ITPKB: variants seen among roughly 807,000 people sequenced by gnomAD.
The protein encoded by ITPKB is inositol-trisphosphate 3-kinase B, also known as IP3 3-kinase B.
A neutral mutation model predicts 69.4 loss-of-function variants in ITPKB; 13 were observed. The ratio of observed to expected loss-of-function variants is 0.19; its 90% CI spans 0.12 to 0.30. The LOEUF is 0.30. Ranked by LOEUF, ITPKB falls within the 10% of genes least tolerant of loss-of-function variation. ITPKB has a pLI of 1.00. For missense variants in ITPKB, 1,240 were observed against 1,250.5 expected (o/e 0.99, Z 0.13); for synonymous variants, 584 against 513.7 (o/e 1.14, Z -1.85).
intron 2 of ITPKB, among the ~76,000 whole-genome samples, chr1:226,697,280 A>T (rs1437695963): frequency 6.6e-6 from 1 of 152,266 alleles, no homozygotes; most frequent in African/African-American, 2.4e-5. Flanking sequence ...GGCATGATGC[A>T]TTCAGAGGCA....
chr1:226,637,876 G>C lies in ITPKB; in HGVS notation c.2554-126C>G. The C allele has an allele frequency of 1.4e-6, 1 of 696,930 alleles. No individual in the cohort carries two copies. Among genetic ancestry groups the C allele is most frequent in the Non-Finnish European group, 2.6e-6 (1 of 389,030 alleles). 43.2% of individuals were successfully genotyped at this position (696,930 alleles called of 1,614,324 possible). ...TACCCTAAACGCCGGACATCTAGAG[G>C]CAGCTTCCTGCGAGCAGGGCTGCTG... On this transcript the variant is annotated intron_variant, in intron 6 of 7. Transcript: ENST00000429204. This position sits in a 1 kb window ranked among gnomAD's most constrained non-coding sequence, Gnocchi z 4.3.
chr1:226,645,071 TC>T (rs1012988276), intron 4 of ITPKB, among the ~76,000 whole-genome samples: 4 of 151,978 alleles, frequency 2.6e-5, no homozygotes, highest in African/African-American at 9.7e-5. Flanking sequence ...CCCTGATGAG[TC>T]ACTGAACCTC....
At chr1:226,652,194 C>T (rs1054661693) in intron 2 of ITPKB, among the ~76,000 whole-genome samples, 1 of 152,184 alleles carries the variant, frequency 6.6e-6, no homozygotes, top group African/African-American at 2.4e-5. Flanking sequence ...GCAGGGTGAC[C>T]CCAACCACTC....
At chr1:226,645,213 G>A (rs1437459168) in intron 4 of ITPKB, among the ~76,000 whole-genome samples, 1 of 152,218 alleles carries the variant, frequency 6.6e-6, no homozygotes, top group African/African-American at 2.4e-5. Context: ...TAGGATTTGT[G>A]TGCAGGAAAG....
In ITPKB at chr1:226,642,217, G is replaced by A. The variant is rs377575333; in HGVS notation, c.2247-92C>T. 18 of 1,061,040 alleles carry A rather than the reference G, an allele frequency of 1.7e-5. No individual in the cohort carries two copies. Among genetic ancestry groups the A allele is most frequent in the East Asian group, 7.2e-5 (3 of 41,816 alleles). The allele number at this position is 1,061,040 out of a possible 1,614,324, so 65.7% of individuals were successfully genotyped here. On this transcript the variant is annotated intron_variant, in intron 4 of 7. Transcript: ENST00000429204. This position sits in a 1 kb window ranked among gnomAD's most constrained non-coding sequence, Gnocchi z 6.4. ...TGCCTGGTGGATGAAGGTTTGGGGC[G>A]TGTGTTGCCCAACAGCTGCAGTCAG...
chr1:226,645,719 C>T (rs1022554384), intron 4 of ITPKB, among the ~76,000 whole-genome samples: 4 of 151,826 alleles, frequency 2.6e-5, no homozygotes, highest in Non-Finnish European at 4.4e-5. Flanking sequence ...AAATCAGACT[C>T]GGGAAAAGCA....
At chr1:226,662,035 C>T (rs539655228) in intron 2 of ITPKB, among the ~76,000 whole-genome samples, 1 of 152,262 alleles carries the variant, frequency 6.6e-6, no homozygotes, top group South Asian at 2.1e-4. Flanking sequence ...ACTTTCTAGT[C>T]GGGTGTGAGA....
intron 2 of ITPKB, 96 bp from the exon 3 acceptor site, chr1:226,648,867 C>T: frequency 2.3e-6 from 2 of 867,392 alleles, no homozygotes; most frequent in Non-Finnish European, 3.9e-6. Context: ...TGCCTGTGGC[C>T]ACAAGATGGG....
chr1:226,672,539 T>C (rs1050596225), intron 2 of ITPKB, among the ~76,000 whole-genome samples: 1 of 152,214 alleles, frequency 6.6e-6, no homozygotes, highest in African/African-American at 2.4e-5. Context: ...CCTGGGCAGC[T>C]GTCCTCCACC....
intron 2 of ITPKB, among the ~76,000 whole-genome samples, chr1:226,699,620 G>T (rs987851987): frequency 1.3e-5 from 2 of 152,168 alleles, no homozygotes; most frequent in Admixed American, 1.3e-4. Flanking sequence ...AGCATATTAA[G>T]CATTCAATGA....
chr1:226,711,442 A>AGT (rs57531406), intron 2 of ITPKB, among the ~76,000 whole-genome samples: 242 of 102,342 alleles, frequency 2.4e-3, no homozygotes, highest in South Asian at 5.3e-3. Context: ...AGAGAGAGAG[A>AGT]GTGTGTGTGT....
chr1:226,649,538 G>A (rs188211304), intron 2 of ITPKB, among the ~76,000 whole-genome samples: 16 of 150,478 alleles, frequency 1.1e-4, no homozygotes, highest in Admixed American at 2.0e-4. Flanking sequence ...GTGCATGTGT[G>A]TGCATGCGTG....
chr1:226,635,593 G>C (rs1309453814), intron 7 of ITPKB, among the ~76,000 whole-genome samples: 2 of 152,170 alleles, frequency 1.3e-5, no homozygotes, highest in Non-Finnish European at 1.5e-5. Context: ...CCTAGAACCT[G>C]ACTCCTCCCA....
chr1:226,714,129 C>G (rs1657038851), intron 2 of ITPKB, among the ~76,000 whole-genome samples: 1 of 152,190 alleles, frequency 6.6e-6, no homozygotes. Flanking sequence ...ATTTCTAGTT[C>G]TCCTGGGCAC....
Position 226,634,886 on chromosome 1 carries a change from C to T in ITPKB, c.2626G>A (p.Val876Ile), listed in dbSNP as rs577260600. Reference sequence around the variant, plus strand: ...ATGAAGAGGAGGGAGCTGCCAATGACCTGAGGAGAACATGGGGGTGAAGGG... The same window carrying T: ...ATGAAGAGGAGGGAGCTGCCAATGATCTGAGGAGAACATGGGGGTGAAGGG... ...EVSPFFKCHEVIGSSLLFIHD... is the reference protein window; with the variant it reads ...EVSPFFKCHEIIGSSLLFIHD... The change falls in exon 8 of 8, where the codon GTC becomes ATC. Residue 876 changes from valine to isoleucine, a missense_variant and splice_region_variant. By Grantham distance (29) the Val-to-Ile change is conservative. Transcript: ENST00000429204. The surrounding 1 kb of genome is among the most constrained non-coding windows in gnomAD (Gnocchi z 6.3). 1.9e-6 allele frequency: 3 copies of T among 1,611,404 alleles called. No individual in the cohort carries two copies. The South Asian group carries it at 3.3e-5, about 18-fold the overall frequency.
chr1:226,646,244 T>G (rs1196305923), intron 4 of ITPKB, among the ~76,000 whole-genome samples: 1 of 152,114 alleles, frequency 6.6e-6, no homozygotes, highest in Non-Finnish European at 1.5e-5. Context: ...CCCCACAACA[T>G]GAGCACCGCA....
chr1:226,663,996 A>C (rs1475473106), intron 2 of ITPKB, among the ~76,000 whole-genome samples: 1 of 152,122 alleles, frequency 6.6e-6, no homozygotes, highest in Non-Finnish European at 1.5e-5. Context: ...GAGAAGCAAA[A>C]CCAAGAAACA....
chr1:226,723,944 G>C (rs1008322889), intron 2 of ITPKB, among the ~76,000 whole-genome samples: 1 of 152,106 alleles, frequency 6.6e-6, no homozygotes, highest in Non-Finnish European at 1.5e-5. Flanking sequence ...CATCATCTTC[G>C]ACAATTAGCT....
At chr1:226,711,032 A>G (rs1656935609) in intron 2 of ITPKB, among the ~76,000 whole-genome samples, 4 of 152,226 alleles carry the variant, frequency 2.6e-5, no homozygotes. Flanking sequence ...TGCATTCATG[A>G]AGCTGGCCCC....
Sources: gnomAD v4.1 joint callset for allele counts (sites outside exome capture counted in the v4.1 genomes callset) on GRCh38, gnomAD v4.1.1 for gene constraint, Gnocchi (gnomAD v3.1) non-coding constraint, MANE v1.5 for transcripts, NCBI Gene and HGNC (gene_info 2026-07-23, HGNC 2026-07-21) for gene names.